NAALADL2: variants seen among roughly 807,000 people sequenced by gnomAD.
The protein encoded by NAALADL2 is inactive N-acetylated-alpha-linked acidic dipeptidase-like protein 2.
In NAALADL2, 76 loss-of-function variants were observed where a neutral mutation model predicts 87.2. The ratio of observed to expected loss-of-function variants is 0.87; its 90% CI spans 0.72 to 1.05. The LOEUF is 1.05. Ranked by LOEUF, NAALADL2 falls within the 50% of genes least tolerant of loss-of-function variation. NAALADL2 has a pLI of 0.00. For missense variants in NAALADL2, 1,089 were observed against 945.8 expected (o/e 1.15, Z -1.99); for synonymous variants, 354 against 331.0 (o/e 1.07, Z -0.75).
At chr3:174,654,881 G>A (rs887277401) in intron 2 of NAALADL2, among the ~76,000 whole-genome samples, 14 of 151,998 alleles carry the variant, frequency 9.2e-5, no homozygotes, top group Middle Eastern at 3.4e-3. Context: ...GACTACAGGC[G>A]CCCACCACCA....
At chr3:174,476,338 G>T (rs1335360147) in intron 1 of NAALADL2, among the ~76,000 whole-genome samples, 1 of 150,328 alleles carries the variant, frequency 6.7e-6, no homozygotes, top group Non-Finnish European at 1.5e-5. Flanking sequence ...AACTATCAAA[G>T]AACTTTATAG....
chr3:175,655,441 GTTA>G (rs1457261571), intron 11 of NAALADL2: 1 of 334,066 alleles, frequency 3.0e-6, no homozygotes, highest in South Asian at 2.4e-5. Context: ...CAAACAATGC[GTTA>G]TTATTATAAT....
intron 1 of NAALADL2, among the ~76,000 whole-genome samples, chr3:174,973,910 G>T (rs1374240726): frequency 1.3e-5 from 2 of 152,042 alleles, no homozygotes; most frequent in African/African-American, 2.4e-5. Context: ...TATCTCTTTT[G>T]CCAAGTTGAA....
chr3:175,294,452 T>C (rs1373226281), intron 4 of NAALADL2, among the ~76,000 whole-genome samples: 2 of 152,168 alleles, frequency 1.3e-5, no homozygotes, highest in Non-Finnish European at 2.9e-5. Flanking sequence ...CTTTGGTATA[T>C]TGAGAATTTA....
At chr3:174,848,677 C>G (rs1177996930) in intron 3 of NAALADL2, among the ~76,000 whole-genome samples, 1 of 152,124 alleles carries the variant, frequency 6.6e-6, no homozygotes, top group Admixed American at 6.5e-5. Context: ...GTGAGGTTCA[C>G]CAGTGCTTTT....
chr3:175,630,059 A>G (rs950147330), intron 11 of NAALADL2, among the ~76,000 whole-genome samples: 4 of 151,744 alleles, frequency 2.6e-5, no homozygotes, highest in South Asian at 2.1e-4. Flanking sequence ...GACTTACCCA[A>G]TGTTGATTCT....
At chr3:175,643,720 G>A (rs895927909) in intron 11 of NAALADL2, among the ~76,000 whole-genome samples, 2 of 152,266 alleles carry the variant, frequency 1.3e-5, no homozygotes, top group Non-Finnish European at 2.9e-5. Flanking sequence ...CCTTGTCCAG[G>A]TGAGAAGAAC....
intron 1 of NAALADL2, among the ~76,000 whole-genome samples, chr3:175,078,655 T>C (rs76813820): frequency 0.083 from 12,702 of 152,248 alleles, 692 homozygotes; most frequent in East Asian, 0.21. Flanking sequence ...ATCTGCCTAT[T>C]CTGGACTTAA....
At chr3:175,581,812 G>C (rs1240811901) in intron 10 of NAALADL2, among the ~76,000 whole-genome samples, 1 of 152,166 alleles carries the variant, frequency 6.6e-6, no homozygotes, top group Non-Finnish European at 1.5e-5. Flanking sequence ...ATGCTTATTT[G>C]AGGAAATGGA....
At chr3:174,464,519 A>C (rs1716406837) in intron 1 of NAALADL2, among the ~76,000 whole-genome samples, 1 of 151,978 alleles carries the variant, frequency 6.6e-6, no homozygotes, top group Admixed American at 6.6e-5. Context: ...ATCACATAAC[A>C]GTGGTGGGAT....
intron 4 of NAALADL2, among the ~76,000 whole-genome samples, chr3:175,276,297 A>T (rs894430521): frequency 8.2e-5 from 11 of 133,570 alleles, no homozygotes; most frequent in African/African-American, 2.8e-4. Context: ...CGCTTTGCAA[A>T]TTTTTTTTTT....
chr3:174,705,915 A>G (rs1730024573), intron 2 of NAALADL2, among the ~76,000 whole-genome samples: 1 of 152,158 alleles, frequency 6.6e-6, no homozygotes, highest in Non-Finnish European at 1.5e-5. Context: ...CAAAAAGTCT[A>G]GAATTCAGGT....
rs566316738 is a variant in NAALADL2 at position 175,472,143 on chromosome 3, C to A, written c.1653+385C>A. Reference sequence around the variant, plus strand: ...ATTCTTGTTTTAAGTAAATGTGAGACCTGTCCTATCTTTACAACTGCTGTG... The same window carrying A: ...ATTCTTGTTTTAAGTAAATGTGAGAACTGTCCTATCTTTACAACTGCTGTG... On this transcript the variant is annotated intron_variant, in intron 9 of 13. Transcript: ENST00000454872. Among the ~76,000 whole-genome samples the A allele has an allele frequency of 8.6e-5, 13 of 150,934 alleles. No individual in the cohort carries two copies. The South Asian group carries it at 2.5e-3, about 29-fold the overall frequency.
chr3:175,736,775 T>A (rs1165592331), intron 11 of NAALADL2, among the ~76,000 whole-genome samples: 1 of 152,198 alleles, frequency 6.6e-6, no homozygotes, highest in Non-Finnish European at 1.5e-5. Flanking sequence ...AAAAAATTCT[T>A]TACTCAGTGA....
chr3:174,444,616 A>C (rs975537678), intron 1 of NAALADL2, among the ~76,000 whole-genome samples: 5 of 152,170 alleles, frequency 3.3e-5, no homozygotes, highest in Admixed American at 1.3e-4. Flanking sequence ...TCTGATGAGG[A>C]AGTTAGCAAC....
At chr3:175,802,414 T>C (rs1754282183) in intron 13 of NAALADL2, among the ~76,000 whole-genome samples, 1 of 151,984 alleles carries the variant, frequency 6.6e-6, no homozygotes, top group African/African-American at 2.4e-5. Context: ...GGAGTGCTAC[T>C]GATATCTAGT....
intron 1 of NAALADL2, among the ~76,000 whole-genome samples, chr3:174,983,286 T>C (rs540713036): frequency 2.6e-5 from 4 of 152,248 alleles, no homozygotes; most frequent in Non-Finnish European, 2.9e-5. Context: ...ATGAGTTATT[T>C]TGAATAATTT....
chr3:175,382,174 T>C (rs1325060541), intron 5 of NAALADL2, among the ~76,000 whole-genome samples: 1 of 152,156 alleles, frequency 6.6e-6, no homozygotes, highest in African/African-American at 2.4e-5. Flanking sequence ...CTGAAAATGG[T>C]TCAAGGAAAG....
At chr3:175,105,343 A>C (rs555776454) in intron 2 of NAALADL2, among the ~76,000 whole-genome samples, 117 of 152,136 alleles carry the variant, frequency 7.7e-4, no homozygotes, top group African/African-American at 2.7e-3. Context: ...ACCAGAGTAC[A>C]GATCTTCTTG....
Sources: allele counts gnomAD v4.1 joint callset (sites outside exome capture counted in the v4.1 genomes callset), GRCh38; gene constraint gnomAD v4.1.1; transcripts MANE v1.5; gene names NCBI Gene and HGNC (gene_info 2026-07-23, HGNC 2026-07-21).